Variants in TULP4 observed in about 807,000 individuals in gnomAD.
TULP4 encodes the protein tubby-related protein 4.
In TULP4, 16 loss-of-function variants were observed where a neutral mutation model predicts 129.0. The observed-to-expected ratio is 0.12, with a 90% CI of 0.08 to 0.19. The LOEUF is 0.19. Among genes scored for constraint, TULP4 ranks in the 10% least tolerant of loss-of-function variants. The probability of loss-of-function intolerance (pLI) is 1.00; values close to 1 mark genes in which losing one functional copy is unlikely to be tolerated. For missense variants in TULP4, 1,842 were observed against 2,059.1 expected (o/e 0.89, Z 2.04); for synonymous variants, 998 against 854.0 (o/e 1.17, Z -2.94).
chr6:158,328,115 TGTGTGTGTGTGTGCGTGC>T lies in TULP4; in HGVS notation c.252+13851_252+13868del, dbSNP rs1356960603. Among the ~76,000 whole-genome samples the T allele has an allele frequency of 4.4e-4, 34 of 76,526 alleles. 1 individual carries two copies. Among genetic ancestry groups the T allele is most frequent in the South Asian group, 8.3e-4 (2 of 2,398 alleles). 50.2% of individuals were successfully genotyped at this position (76,526 alleles called of 152,430 possible). ...GTGTGTGTGTGTGTGTGTGTGTGTG[TGTGTGTGTGTGTGCGTGC>T]GTGCTGGGAAAGAGGTAGACCTAGT... On this transcript the variant is annotated intron_variant, in intron 1 of 13. Transcript: ENST00000367097.
chr6:158,326,516 G>A (rs2128489839), intron 1 of TULP4, among the ~76,000 whole-genome samples: 1 of 151,990 alleles, frequency 6.6e-6, no homozygotes, highest in Admixed American at 6.5e-5. Flanking sequence ...GTATTTTTTT[G>A]GTTAAACTCC....
intron 1 of TULP4, among the ~76,000 whole-genome samples, chr6:158,302,095 TG>T (rs1365032601): frequency 8.5e-5 from 13 of 152,198 alleles, no homozygotes; most frequent in Non-Finnish European, 1.3e-4. Flanking sequence ...TCTTTATCAG[TG>T]GGGGCAGCGA....
intron 1 of TULP4, among the ~76,000 whole-genome samples, chr6:158,407,174 A>C (rs1047040420): frequency 6.6e-6 from 1 of 152,260 alleles, no homozygotes; most frequent in African/African-American, 2.4e-5. Context: ...GGCTTAAGAG[A>C]AACTCAGTAA....
chr6:158,381,649 T>C (rs905836789), intron 1 of TULP4, among the ~76,000 whole-genome samples: 13 of 152,130 alleles, frequency 8.5e-5, no homozygotes, highest in African/African-American at 3.1e-4. Flanking sequence ...TGTTTTAGAG[T>C]GTGGAGGAGA....
chr6:158,308,255 C>T (rs1274635898), upstream of TULP4, among the ~76,000 whole-genome samples: 17 of 141,012 alleles, frequency 1.2e-4, no homozygotes, highest in South Asian at 2.3e-3. Flanking sequence ...CATCTTGCAC[C>T]GCCCTTAATC....
At chr6:158,278,615 G>GTT (rs1156784248), upstream of TULP4, among the ~76,000 whole-genome samples, 1 of 152,160 alleles carries the variant, frequency 6.6e-6, no homozygotes, top group Non-Finnish European at 1.5e-5. Context: ...GACATCGTAA[G>GTT]TTGAGAAGAA....
chr6:158,288,151 A>AT (rs1416842602), intron 1 of TULP4, among the ~76,000 whole-genome samples: 1 of 152,188 alleles, frequency 6.6e-6, no homozygotes, highest in Non-Finnish European at 1.5e-5. Flanking sequence ...GGGAATAATG[A>AT]TTCCTTTTAT....
chr6:158,407,745 C>T (rs774830345), intron 1 of TULP4, among the ~76,000 whole-genome samples: 2 of 152,128 alleles, frequency 1.3e-5, no homozygotes, highest in Non-Finnish European at 2.9e-5. Context: ...GAGAACATAT[C>T]GTATGATTCC....
chr6:158,372,266 T>C (rs1777090907), intron 1 of TULP4, among the ~76,000 whole-genome samples: 1 of 149,902 alleles, frequency 6.7e-6, no homozygotes. Context: ...CTGATCAGGC[T>C]CTCTGAAGAG....
chr6:158,502,260 A>T lies in TULP4; in HGVS notation c.2597A>T (p.Lys866Met), dbSNP rs763693329. 6.3e-7 allele frequency: 1 copy of T among 1,599,804 alleles called. No individual in the cohort carries two copies. Among genetic ancestry groups the T allele is most frequent in the Non-Finnish European group, 8.5e-7 (1 of 1,172,184 alleles). The change falls in exon 13 of 14, where the codon AAG (lysine) becomes ATG (methionine). Residue 866 changes from lysine to methionine, a missense_variant. By Grantham distance (95) the Lys-to-Met change is moderately conservative. Around this residue, in one of 5 missense-constraint regions of TULP4, gnomAD observed 1,089 missense variants for 987.1 expected, o/e 1.10. Transcript: ENST00000367097. ...PPQPPVDVCLKKGDFSLYPTS... is the reference protein window; with the variant it reads ...PPQPPVDVCLMKGDFSLYPTS... ...CAGCCCCCAGTGGATGTGTGCTTGAAGAAGGGCGACTTCTCCCTCTACCCC... is the reference window on the plus strand; with the variant it reads ...CAGCCCCCAGTGGATGTGTGCTTGATGAAGGGCGACTTCTCCCTCTACCCC...
rs71030166 is a variant in TULP4 at position 158,394,786 on chromosome 6, C to CAAAAAAAAAAAAAAAAAAAA, written c.253-18270_253-18251dup. Reference sequence around the variant, plus strand: ...TGGGCAACTGAGCAAGGCTCTGTCTCAAAAAAAAAAAAAAAAAAAAAAAAA... The same window carrying CAAAAAAAAAAAAAAAAAAAA: ...TGGGCAACTGAGCAAGGCTCTGTCTCAAAAAAAAAAAAAAAAAAAAAAAAAAAAAAAAAAAAAAAAAAAAA... On this transcript the variant is annotated intron_variant, in intron 1 of 13. Transcript: ENST00000367097. Among the ~76,000 whole-genome samples, 5 of 46,020 alleles carry CAAAAAAAAAAAAAAAAAAAA rather than the reference C, an allele frequency of 1.1e-4. 1 individual carries two copies. The highest frequency in any genetic ancestry group is 4.2e-4 in the African/African-American group (4 of 9,440). The allele number at this position is 46,020 out of a possible 152,430, so 30.2% of individuals were successfully genotyped here. A position where few individuals can be genotyped will look rare whatever the true frequency, so the allele number is the denominator to read the frequency against.
chr6:158,376,299 G>T (rs1583812798), intron 1 of TULP4, among the ~76,000 whole-genome samples: 1 of 152,310 alleles, frequency 6.6e-6, no homozygotes, highest in South Asian at 2.1e-4. Context: ...ACAGTCGAAT[G>T]GTGGGTGGGT....
chr6:158,262,136 G>T (rs1218187042), intron 1 of TULP4, among the ~76,000 whole-genome samples: 1 of 152,138 alleles, frequency 6.6e-6, no homozygotes, highest in African/African-American at 2.4e-5. Context: ...TGTGGAAAGG[G>T]TGCACCTCCA....
rs1268247166 is a variant in TULP4 at position 158,313,581 on chromosome 6, C to G, written c.-436C>G. 2 of 408,150 alleles carry G rather than the reference C, an allele frequency of 4.9e-6. No homozygotes were observed. Among genetic ancestry groups the G allele is most frequent in the Non-Finnish European group, 4.3e-6 (1 of 231,900 alleles). 25.3% of individuals were successfully genotyped at this position (408,150 alleles called of 1,614,324 possible). On this transcript the variant is annotated 5_prime_UTR_variant, in exon 1 of 14. It adds an upstream start codon to the 5' untranslated region. Transcript: ENST00000367097. ...CTTAAAGCCTTAAGTTACTTGAAAT[C>G]TATGTATTTGCAACCCTTTGTCTCT...
Position 158,244,340 on chromosome 6 carries a change from T to C in TULP4, n.68+12037T>C, listed in dbSNP as rs982740557. 9.2e-5 allele frequency among the ~76,000 whole-genome samples: 14 copies of C among 152,370 alleles called. No homozygotes were observed. In the South Asian group the frequency reaches 1.4e-3, roughly 16 times the overall value. On this transcript the variant is annotated intron_variant and non_coding_transcript_variant, in intron 1 of 1. Transcript: ENST00000620026. ...GTGCAATAAACAAAATGTTCAGTTT[T>C]ACTAGTCATTAAATAAATAGAATTC...
At chr6:158,491,873 T>G (rs1780219066) in intron 9 of TULP4, among the ~76,000 whole-genome samples, 1 of 150,642 alleles carries the variant, frequency 6.6e-6, no homozygotes, top group Non-Finnish European at 1.5e-5. Context: ...GTTGTTGTTT[T>G]TTCGAGCTGG....
At chr6:158,395,018 A>G (rs751954416) in intron 1 of TULP4, among the ~76,000 whole-genome samples, 5 of 152,020 alleles carry the variant, frequency 3.3e-5, no homozygotes, top group Admixed American at 6.6e-5. Context: ...AAATCATCAG[A>G]TCTCGTGAGA....
In TULP4 at chr6:158,481,185, A is replaced by G; in HGVS notation, c.1382A>G (p.Tyr461Cys). 6.2e-7 allele frequency: 1 copy of G among 1,614,206 alleles called. No homozygotes were observed. The highest frequency in any genetic ancestry group is 1.1e-5 in the South Asian group (1 of 91,086). Residue 461 changes from tyrosine (Y) to cysteine (C), a missense_variant, in exon 8 of 14, where the codon TAC becomes TGC. By Grantham distance (194) the Tyr-to-Cys change is radical. Transcript: ENST00000367097. ...PEVGGPCYTL[Y>C]LEYLGGLVPI... ...GTGGGCGGCCCGTGCTACACGCTCT[A>G]CCTGGAGTACCTGGGCGGGCTTGTG...
chr6:158,394,191 A>C (rs988322196), intron 1 of TULP4, among the ~76,000 whole-genome samples: 3 of 152,228 alleles, frequency 2.0e-5, no homozygotes, highest in Non-Finnish European at 4.4e-5. Flanking sequence ...GCTAAAGCAT[A>C]GCAAGAGTTA....
Sources: gnomAD v4.1 joint callset for allele counts (sites outside exome capture counted in the v4.1 genomes callset) on GRCh38, gnomAD v4.1.1 for gene constraint, gnomAD v4.1.1 regional missense constraint, MANE v1.5 for transcripts, NCBI Gene and HGNC (gene_info 2026-07-23, HGNC 2026-07-21) for gene names.